The following PRKAR1B variants were observed in gnomAD, a reference collection of about 807,000 sequenced individuals.
PRKAR1B encodes cAMP-dependent protein kinase type I-beta regulatory subunit.
PRKAR1B carries 22 observed loss-of-function variants against 46.5 expected under a neutral mutation model. The observed-to-expected ratio is 0.47, with a 90% CI of 0.34 to 0.68. The LOEUF (loss-of-function observed/expected upper bound fraction) is 0.68. Among genes scored for constraint, PRKAR1B ranks in the 30% least tolerant of loss-of-function variants. The probability of loss-of-function intolerance (pLI) is 0.01; values close to 1 mark genes in which losing one functional copy is unlikely to be tolerated. For synonymous variants in PRKAR1B, 259 were observed against 217.7 expected, an observed-to-expected ratio of 1.19 and a Z score of -1.67; for missense variants, 445 against 535.6, an observed-to-expected ratio of 0.83 and a Z score of 1.67.
In PRKAR1B at chr7:550,017, T is replaced by C. The variant is rs1332253664; in HGVS notation, c.*413A>G. 2 of 188,316 alleles carry C rather than the reference T, an allele frequency of 1.1e-5. No homozygotes were observed. Among genetic ancestry groups the C allele is most frequent in the African/African-American group, 2.4e-5 (1 of 41,760 alleles). 11.7% of individuals were successfully genotyped at this position (188,316 alleles called of 1,614,324 possible). A position where few individuals can be genotyped will look rare whatever the true frequency, so the allele number is the denominator to read the frequency against. On this transcript the variant is annotated 3_prime_UTR_variant, in exon 11 of 11. Transcript: ENST00000537384. ...CCCCTTTTGACACACTTGCCCACAC[T>C]CAGACCTCAATCTGGGGGACCTGAC...
chr7:640,481 G>A (rs368517037), intron 4 of PRKAR1B, among the ~76,000 whole-genome samples: 4 of 152,218 alleles, frequency 2.6e-5, no homozygotes, highest in East Asian at 3.9e-4. Flanking sequence ...ACCACAAAGA[G>A]GCTGGGCGCG....
chr7:639,773 G>A (rs1164108068), intron 4 of PRKAR1B, among the ~76,000 whole-genome samples: 2 of 150,988 alleles, frequency 1.3e-5, no homozygotes, highest in Admixed American at 6.6e-5. Flanking sequence ...AGAACTGCTC[G>A]AGCCCAGGAA....
intron 9 of PRKAR1B, among the ~76,000 whole-genome samples, chr7:575,582 G>A (rs1055012815): frequency 6.6e-6 from 1 of 152,154 alleles, no homozygotes; most frequent in Admixed American, 6.5e-5. Context: ...GTCTCTCTCT[G>A]TTGCCCAGGC....
Position 606,235 on chromosome 7 carries a change from A to T in PRKAR1B, c.507T>A (p.Asn169Lys). The T allele has an allele frequency of 6.2e-7, 1 of 1,613,562 alleles. No individual in the cohort carries two copies. The highest frequency in any genetic ancestry group is 8.5e-7 in the Non-Finnish European group (1 of 1,179,598). ...IAGETVIQQG[N>K]EGDNFYVVDQ... ...CAACGACATAGAAGTTGTCTCCTTC[A>T]TTCCCTGTAACAAAAGAAGAAAGTC... The change falls in exon 6 of 11, where the codon AAT becomes AAA. Residue 169 changes from asparagine (N) to lysine (K), a missense_variant. By Grantham distance (94) the Asn-to-Lys change is moderately conservative. Around this residue, in one of 5 missense-constraint regions of PRKAR1B, gnomAD observed 94 missense variants for 126.9 expected, o/e 0.74. Transcript: ENST00000537384.
chr7:681,627 T>C (rs1465567818), intron 2 of PRKAR1B, among the ~76,000 whole-genome samples: 1 of 152,156 alleles, frequency 6.6e-6, no homozygotes, highest in Non-Finnish European at 1.5e-5. Context: ...CGAGTCACCG[T>C]GGAACGACCA....
At position 696,093 on chromosome 7, in the gene PRKAR1B, TG is replaced by T. The variant is rs1159165751; in HGVS notation, c.177+15235del. 1.0e-4 allele frequency among the ~76,000 whole-genome samples: 15 copies of T among 149,048 alleles called. No homozygotes were observed. In the East Asian group the frequency reaches 2.9e-3, roughly 28 times the overall value. On this transcript the variant is annotated intron_variant, in intron 2 of 10. Transcript: ENST00000537384. The stretch of plus-strand genomic sequence containing the variant: ...AAGCAATCCCTCCATCTCAGCCTCC[TG>T]AGTATCTGGGACCACAGGTGCACCA...
intron 9 of PRKAR1B, 142 bp downstream of exon 9, chr7:579,114 A>G: frequency 6.5e-7 from 1 of 1,544,428 alleles, no homozygotes; most frequent in African/African-American, 1.4e-5. Context: ...CACCCACCCC[A>G]TGGAGGCCCC....
chr7:622,322 C>T (rs1237662145), intron 4 of PRKAR1B, among the ~76,000 whole-genome samples: 2 of 152,244 alleles, frequency 1.3e-5, no homozygotes, highest in East Asian at 1.9e-4. Flanking sequence ...CAGCAAGGAC[C>T]CCCGCGCCAC....
Position 578,164 on chromosome 7 carries a change from G to A in PRKAR1B, c.891+1092C>T, listed in dbSNP as rs138903994. ...GTCCTCAATTAGGTCCAGTGTCCCA[G>A]CCCCACCTCTGGAGTCGAGTCCCAC... On this transcript the variant is annotated intron_variant, in intron 9 of 10. Transcript: ENST00000537384. Among the ~76,000 whole-genome samples the A allele has an allele frequency of 5.1e-4, 77 of 152,300 alleles. No homozygotes were observed. In the East Asian group the frequency reaches 0.014, roughly 27 times the overall value.
intron 7 of PRKAR1B, among the ~76,000 whole-genome samples, chr7:594,695 C>T (rs1234336888): frequency 6.6e-6 from 1 of 151,748 alleles, no homozygotes; most frequent in Non-Finnish European, 1.5e-5. Context: ...ACCCCAAGAC[C>T]ATGAGGGGAC....
At chr7:720,856 C>T (rs1200737909) in intron 1 of PRKAR1B, among the ~76,000 whole-genome samples, 4 of 152,198 alleles carry the variant, frequency 2.6e-5, no homozygotes, top group African/African-American at 9.6e-5. Flanking sequence ...TGAGCTTCAG[C>T]ATATAGTAGA....
At chr7:700,513 G>T (rs1351776856) in intron 2 of PRKAR1B, among the ~76,000 whole-genome samples, 1 of 152,156 alleles carries the variant, frequency 6.6e-6, no homozygotes, top group African/African-American at 2.4e-5. Context: ...GTTCTCAAAG[G>T]AAAAGACAAC....
intron 9 of PRKAR1B, 167 bp downstream of exon 9, chr7:579,089 T>C (rs1335405161): frequency 2.4e-5 from 24 of 985,298 alleles, no homozygotes; most frequent in Non-Finnish European, 2.9e-5. Context: ...GTGGCAGGAA[T>C]GTGAGGCCAC....
At chr7:636,424 G>GTCCTCCACCGGCCGCGCCCACACA in intron 4 of PRKAR1B, among the ~76,000 whole-genome samples, 1 of 83,334 alleles carries the variant, frequency 1.2e-5, no homozygotes, top group African/African-American at 4.1e-5. Flanking sequence ...GCGCCCACAC[G>GTCCTCCACCGGCCGCGCCCACACA]TCCTCCACCG....
intron 4 of PRKAR1B, among the ~76,000 whole-genome samples, chr7:633,340 C>T (rs1783872096): frequency 1.3e-5 from 2 of 152,114 alleles, no homozygotes; most frequent in African/African-American, 4.8e-5. Flanking sequence ...GATAGTCACC[C>T]ACAGGTGAAA....
chr7:579,990 C>G (rs1780080169), intron 8 of PRKAR1B, among the ~76,000 whole-genome samples: 1 of 151,824 alleles, frequency 6.6e-6, no homozygotes, highest in Admixed American at 6.6e-5. Context: ...CTCAGCTACT[C>G]AGGATGCTAA....
intron 4 of PRKAR1B, among the ~76,000 whole-genome samples, chr7:672,366 G>A (rs1786307745): frequency 6.6e-6 from 1 of 151,536 alleles, no homozygotes; most frequent in African/African-American, 2.4e-5. Flanking sequence ...TGGCCAGGCT[G>A]GTCTTGAACT....
At chr7:583,646 A>G (rs112644977) in intron 8 of PRKAR1B, among the ~76,000 whole-genome samples, 3 of 129,938 alleles carry the variant, frequency 2.3e-5, no homozygotes, top group African/African-American at 3.1e-5. Context: ...ACTCACATGC[A>G]TGCACACCCA....
chr7:673,152 G>A (rs1204005262), intron 4 of PRKAR1B, among the ~76,000 whole-genome samples: 8 of 150,318 alleles, frequency 5.3e-5, no homozygotes, highest in African/African-American at 1.7e-4. Flanking sequence ...CTTCAGGGCT[G>A]ACTCTGTCTG....
Sources: gnomAD v4.1 joint callset for allele counts (sites outside exome capture counted in the v4.1 genomes callset) on GRCh38, gnomAD v4.1.1 for gene constraint, gnomAD v4.1.1 regional missense constraint, MANE v1.5 for transcripts, NCBI Gene and HGNC (gene_info 2026-07-23, HGNC 2026-07-21) for gene names.